NLGN4X: variants seen among roughly 807,000 people sequenced by gnomAD.
NLGN4X encodes the protein neuroligin-4, X-linked.
A neutral mutation model predicts 40.3 loss-of-function variants in NLGN4X; 3 were observed. The ratio of observed to expected loss-of-function variants is 0.07; its 90% CI spans 0.03 to 0.19. The LOEUF is 0.19. NLGN4X is among the 10% of genes least tolerant of loss of function. NLGN4X has a pLI of 1.00. For synonymous variants in NLGN4X, 270 were observed against 306.8 expected (o/e 0.88, Z 1.25); for missense variants, 382 against 708.3 (o/e 0.54, Z 5.23).
intron 3 of NLGN4X, among the ~76,000 whole-genome samples, chrX:5,914,426 T>C (rs1601876537): frequency 9.0e-6 from 1 of 111,358 alleles, no homozygotes; most frequent in East Asian, 2.8e-4. Flanking sequence ...ACAAAAGACA[T>C]TGTTACATGA....
chrX:5,916,768 T>A (rs1426387804), intron 3 of NLGN4X, among the ~76,000 whole-genome samples: 2 of 112,149 alleles, frequency 1.8e-5, no homozygotes, highest in Non-Finnish European at 3.8e-5. Context: ...TATTAAAAAA[T>A]AAAATCTGGA....
intron 3 of NLGN4X, among the ~76,000 whole-genome samples, chrX:5,910,712 G>A (rs1323294062): frequency 9.0e-6 from 1 of 111,506 alleles, no homozygotes; most frequent in Admixed American, 9.6e-5. Flanking sequence ...TGGAAAGGAG[G>A]AAATGGCCTG....
intron 1 of NLGN4X, among the ~76,000 whole-genome samples, chrX:6,168,551 C>T (rs1317538390): frequency 8.9e-6 from 1 of 112,081 alleles, no homozygotes; most frequent in Non-Finnish European, 1.9e-5. Context: ...CTCACTGCAT[C>T]CTGGAATTCC....
At chrX:6,199,869 C>T (rs770044831) in intron 1 of NLGN4X, among the ~76,000 whole-genome samples, 4 of 111,774 alleles carry the variant, frequency 3.6e-5, no homozygotes, top group Non-Finnish European at 7.5e-5. Flanking sequence ...GTAAATCATG[C>T]TAATTTAGAA....
intron 2 of NLGN4X, among the ~76,000 whole-genome samples, chrX:6,073,274 A>G (rs1402332463): frequency 8.9e-6 from 1 of 111,844 alleles, no homozygotes; most frequent in Non-Finnish European, 1.9e-5. Flanking sequence ...GACTTTTTAC[A>G]TTTTTTCTAC....
chrX:5,953,419 G>A (rs960018394), intron 3 of NLGN4X, among the ~76,000 whole-genome samples: 2 of 111,154 alleles, frequency 1.8e-5, no homozygotes, highest in Admixed American at 9.6e-5. Context: ...AGTGACTATA[G>A]TCAAAAATAA....
At chrX:6,038,076 C>A (rs1356444682) in intron 2 of NLGN4X, among the ~76,000 whole-genome samples, 1 of 111,961 alleles carries the variant, frequency 8.9e-6, no homozygotes, top group Non-Finnish European at 1.9e-5. Context: ...AGGAGATGAA[C>A]ATCAGAGACA....
At chrX:6,030,890 T>G (rs1052285818) in intron 2 of NLGN4X, among the ~76,000 whole-genome samples, 5 of 112,269 alleles carry the variant, frequency 4.5e-5, no homozygotes, top group Non-Finnish European at 9.4e-5. Flanking sequence ...TTGCTGTTTT[T>G]GGCCTCATTT....
At chrX:5,929,168 T>C (rs922342676) in intron 3 of NLGN4X, among the ~76,000 whole-genome samples, 2 of 112,021 alleles carry the variant, frequency 1.8e-5, no homozygotes, top group Admixed American at 9.5e-5. Context: ...TTTTACAAGA[T>C]GTATTATGTG....
chrX:5,896,193 A>G (rs1331126293), intron 5 of NLGN4X, among the ~76,000 whole-genome samples: 1 of 111,843 alleles, frequency 8.9e-6, no homozygotes. Flanking sequence ...GAAGGAACTC[A>G]GGGTATATTT....
intron 3 of NLGN4X, among the ~76,000 whole-genome samples, chrX:5,950,906 A>T (rs1029953540): frequency 8.9e-6 from 1 of 111,991 alleles, no homozygotes; most frequent in Non-Finnish European, 1.9e-5. Context: ...GAGAAGAAAC[A>T]TCCCCACCAC....
intron 1 of NLGN4X, among the ~76,000 whole-genome samples, chrX:6,181,115 T>C (rs943568214): frequency 9.0e-6 from 1 of 111,313 alleles, no homozygotes; most frequent in Admixed American, 9.6e-5. Flanking sequence ...ATCAGAAATA[T>C]GAGGGTAGGC....
chrX:6,138,003 C>T (rs2039858276), intron 2 of NLGN4X, among the ~76,000 whole-genome samples: 1 of 111,536 alleles, frequency 9.0e-6, no homozygotes, highest in Admixed American at 9.6e-5. Flanking sequence ...AAACAGACTC[C>T]TGGCTTGGCT....
chrX:5,909,415 A>G (rs1020276219), intron 3 of NLGN4X, among the ~76,000 whole-genome samples, 176 bp from the exon 4 acceptor site: 2 of 111,527 alleles, frequency 1.8e-5, no homozygotes, highest in African/African-American at 6.5e-5. Flanking sequence ...ATAATTATAT[A>G]AATAATGGTT....
At chrX:6,220,772 C>T (rs1460579360) in intron 1 of NLGN4X, among the ~76,000 whole-genome samples, 1 of 84,560 alleles carries the variant, frequency 1.2e-5, no homozygotes, top group Non-Finnish European at 2.2e-5. Context: ...GAGTCTCGCT[C>T]TGTCACCCAA....
intron 5 of NLGN4X, 59 bp from the exon 6 acceptor site, chrX:5,893,725 T>G: frequency 8.6e-7 from 1 of 1,164,736 alleles, no homozygotes; most frequent in South Asian, 1.9e-5. Flanking sequence ...GACGTGAAAT[T>G]ATCTTAAACC....
At chrX:6,026,065 G>A (rs2036684743) in intron 3 of NLGN4X, among the ~76,000 whole-genome samples, 1 of 110,976 alleles carries the variant, frequency 9.0e-6, no homozygotes, top group Admixed American at 9.6e-5. Flanking sequence ...GAAAGAGTCT[G>A]AGGAAACGCT....
chrX:6,151,968 A>T (rs1569268647), intron 1 of NLGN4X, among the ~76,000 whole-genome samples, 197 bp from the exon 2 acceptor site: 1 of 111,467 alleles, frequency 9.0e-6, no homozygotes, highest in East Asian at 2.8e-4. Context: ...TGTTTTTTTT[A>T]GAGATGGTGT....
chrX:6,216,707 G>C (rs890913723), intron 1 of NLGN4X, among the ~76,000 whole-genome samples: 1 of 112,537 alleles, frequency 8.9e-6, no homozygotes, highest in African/African-American at 3.2e-5. Flanking sequence ...AAAGTCAATA[G>C]AGAAAAGGTA....
Sources: allele counts gnomAD v4.1 joint callset (sites outside exome capture counted in the v4.1 genomes callset), GRCh38; gene constraint gnomAD v4.1.1; transcripts MANE v1.5; gene names NCBI Gene and HGNC (gene_info 2026-07-23, HGNC 2026-07-21).